Variants in ZNF71 observed in about 807,000 individuals in gnomAD.
ZNF71 encodes zinc finger protein 71.
Under a neutral mutation model 6.7 loss-of-function variants are expected in ZNF71, and 3 were observed. That is an observed-to-expected ratio of 0.45 (90% CI 0.20 to 1.16). The LOEUF (loss-of-function observed/expected upper bound fraction) is 1.16, where lower values mean the gene tolerates loss of function less well. ZNF71 is among the 50% of genes most tolerant of loss of function. The pLI is 0.25. For missense variants in ZNF71, 688 were observed against 728.6 expected, an observed-to-expected ratio of 0.94 and a Z score of 0.64; for synonymous variants, 343 against 311.1, an observed-to-expected ratio of 1.10 and a Z score of -1.08.
rs753917345 is a variant in ZNF71, at chr19:56,621,795, C to A, written c.688C>A (p.Arg230Ser). Residue 230 changes from arginine to serine, a missense_variant, in exon 4 of 4, where the codon CGC becomes AGC. By Grantham distance (110) the Arg-to-Ser change is moderately radical. Coordinates refer to ENST00000599599, the MANE Select transcript of ZNF71 (RefSeq NM_001370215.1). ...CDTCGKHFIERSSLTIHQRVH... is the reference protein window; with the variant it reads ...CDTCGKHFIESSSLTIHQRVH... ...CACCTGTGGGAAGCACTTCATCGAG[C>A]GCTCGTCCCTCACCATCCACCAGCG... is the stretch of plus-strand genomic sequence containing the variant. The A allele has an allele frequency of 6.2e-7, 1 of 1,613,842 alleles. No homozygotes were observed.
At chr19:56,611,378 A>G (rs1231204936) in intron 2 of ZNF71, among the ~76,000 whole-genome samples, 2 of 152,196 alleles carry the variant, frequency 1.3e-5, no homozygotes, top group African/African-American at 2.4e-5. Flanking sequence ...TGAGGTTCAA[A>G]GCCTGGCTGT....
At chr19:56,614,409 T>G (rs2148014923) in intron 3 of ZNF71, among the ~76,000 whole-genome samples, 1 of 152,344 alleles carries the variant, frequency 6.6e-6, no homozygotes, top group Non-Finnish European at 1.5e-5. Context: ...ACAGCTCTTT[T>G]GGAGGATAGC....
In ZNF71 at chr19:56,620,914, A is replaced by G. The variant is rs568264409; in HGVS notation, c.161-354A>G. The stretch of plus-strand genomic sequence containing the variant: ...ATGAAGTGAGGAGGCCCTGCAAGTC[A>G]GTAGCCGGCTGCAGTCATTCCTACT... On this transcript the variant is annotated intron_variant, in intron 3 of 3. Coordinates refer to ENST00000599599, the MANE Select transcript of ZNF71 (RefSeq NM_001370215.1). Among the ~76,000 whole-genome samples, 7 of 152,284 alleles carry G rather than the reference A, an allele frequency of 4.6e-5. No individual in the cohort carries two copies. In the South Asian group the frequency reaches 8.3e-4, roughly 18 times the overall value.
intron 2 of ZNF71, among the ~76,000 whole-genome samples, chr19:56,602,662 C>T (rs144789623): frequency 1.5e-4 from 23 of 152,298 alleles, no homozygotes; most frequent in African/African-American, 5.3e-4. Context: ...TTTCTGTGGG[C>T]AGGGAAATGA....
rs1280440515 is a variant in ZNF71 at position 56,600,387 on chromosome 19, C to T, written c.-52-1120C>T. ...TAATTTTTTGTATTTTTAGTAGAGA[C>T]GGGGTTTCACCTTGTTAGCCAGGAT... On this transcript the variant is annotated intron_variant, in intron 1 of 3. Transcript: ENST00000599599. 7.6e-5 allele frequency among the ~76,000 whole-genome samples: 4 copies of T among 52,954 alleles called. 2 individuals are homozygous for T. The highest frequency in any genetic ancestry group is 1.5e-4 in the Non-Finnish European group (4 of 27,540). 34.7% of individuals were successfully genotyped at this position (52,954 alleles called of 152,430 possible).
chr19:56,621,851 C>T lies in ZNF71; in HGVS notation c.744C>T (p.Cys248=). 1 of 1,612,056 alleles carries T rather than the reference C, an allele frequency of 6.2e-7. No individual in the cohort carries two copies. The highest frequency in any genetic ancestry group is 1.1e-5 in the South Asian group (1 of 91,060). The change falls in exon 4 of 4, where the codon TGC becomes TGT. Residue 248 remains cysteine, a synonymous_variant. Transcript: ENST00000599599. Reference sequence around the variant, plus strand: ...ACACGGGCGAGAAGCCCTATGCCTGCGGGGACTGCGGCAAGGCCTTCAGCC... The same window carrying T: ...ACACGGGCGAGAAGCCCTATGCCTGTGGGGACTGCGGCAAGGCCTTCAGCC... ...RVHTGEKPYA[C]GDCGKAFSQR...
intron 2 of ZNF71, among the ~76,000 whole-genome samples, chr19:56,609,255 C>T (rs56704493): frequency 0.079 from 11,990 of 152,174 alleles, 1,514 homozygotes; most frequent in African/African-American, 0.27. Context: ...CTGCTCTTAC[C>T]AGATTCTATT....
rs1429868688 is a variant in ZNF71 at position 56,623,600 on chromosome 19, T to C, written c.*843T>C. The C allele has an allele frequency of 1.8e-5, 3 of 167,110 alleles. No individual in the cohort carries two copies. The East Asian group carries it at 5.8e-4, about 32-fold the overall frequency. 10.4% of individuals were successfully genotyped at this position (167,110 alleles called of 1,614,324 possible). On this transcript the variant is annotated 3_prime_UTR_variant, in exon 4 of 4. Transcript: ENST00000599599. The stretch of plus-strand genomic sequence containing the variant: ...TACATCTGAGCACAGATTATTTTTA[T>C]AGTGATTTTTGCAGCTAAATGTGAA...
intron 3 of ZNF71, among the ~76,000 whole-genome samples, chr19:56,619,761 G>A (rs2044828408): frequency 6.6e-6 from 1 of 152,186 alleles, no homozygotes; most frequent in Admixed American, 6.5e-5. Flanking sequence ...GGGGACAGCT[G>A]CTGCCCCATG....
At chr19:56,604,826 GTGGTGGGGACACTCAGTATGC>G (rs2044697574) in intron 2 of ZNF71, among the ~76,000 whole-genome samples, 2 of 152,220 alleles carry the variant, frequency 1.3e-5, no homozygotes, top group Admixed American at 6.5e-5. Flanking sequence ...GATTCAGTTG[GTGGTGGGGACACTCAGTATGC>G]TGGAGAGAGC....
intron 3 of ZNF71, among the ~76,000 whole-genome samples, chr19:56,620,703 T>A (rs566828561): frequency 1.7e-3 from 261 of 151,474 alleles, no homozygotes; most frequent in Middle Eastern, 0.01. Flanking sequence ...GGCTAATTTT[T>A]AAAAAAAAAT....
chr19:56,613,966 A>G lies in ZNF71; in HGVS notation c.160+28A>G, dbSNP rs2148014531. 6.6e-6 allele frequency: 7 copies of G among 1,066,940 alleles called. No individual in the cohort carries two copies. The highest frequency in any genetic ancestry group is 8.1e-6 in the Non-Finnish European group (7 of 863,706). The allele number at this position is 1,066,940 out of a possible 1,614,324, so 66.1% of individuals were successfully genotyped here. On this transcript the variant is annotated intron_variant, in intron 3 of 3. Transcript: ENST00000599599. This position sits in a 1 kb window ranked among gnomAD's most constrained non-coding sequence, Gnocchi z 4.6. ...AAGGGGCAGCTTCGTTGAGTTACTC[A>G]TCATTGGCCCATAACTTCAGGACCA...
intron 3 of ZNF71, among the ~76,000 whole-genome samples, chr19:56,619,061 A>G (rs1477349341): frequency 6.6e-6 from 1 of 152,180 alleles, no homozygotes; most frequent in Non-Finnish European, 1.5e-5. Flanking sequence ...AATGCTTGCC[A>G]GCAGTCAGGA....
intron 1 of ZNF71, among the ~76,000 whole-genome samples, chr19:56,601,282 G>A (rs760126358): frequency 9.9e-5 from 15 of 152,108 alleles, no homozygotes; most frequent in Non-Finnish European, 1.9e-4. Context: ...TGGGTAGGTA[G>A]AAGTAGTACC....
chr19:56,609,586 G>A (rs896608047), intron 2 of ZNF71, among the ~76,000 whole-genome samples: 4 of 151,728 alleles, frequency 2.6e-5, no homozygotes, highest in African/African-American at 7.3e-5. Context: ...TGAGGCATAC[G>A]ATACAGATTT....
chr19:56,607,674 A>G (rs998368868), intron 2 of ZNF71, among the ~76,000 whole-genome samples: 3 of 151,176 alleles, frequency 2.0e-5, no homozygotes, highest in Non-Finnish European at 4.4e-5. Flanking sequence ...TGCCCTTAAG[A>G]CACTGCACTG....
rs2044801945 is a variant in ZNF71 at position 56,617,135 on chromosome 19, C to G, written c.160+3197C>G. ...TTGTTTTTTTTTGTTTTTTTTGAGA[C>G]AGTCTTGCTCTGTTGCCCAAGCTGG... is the stretch of plus-strand genomic sequence containing the variant. On this transcript the variant is annotated intron_variant, in intron 3 of 3. Transcript: ENST00000599599. Among the ~76,000 whole-genome samples, 5 of 90,876 alleles carry G rather than the reference C, an allele frequency of 5.5e-5. No homozygotes were observed. In the South Asian group the frequency reaches 2.1e-3, roughly 37 times the overall value. The allele number at this position is 90,876 out of a possible 152,430, so 59.6% of individuals were successfully genotyped here.
intron 2 of ZNF71, among the ~76,000 whole-genome samples, chr19:56,607,623 C>T (rs900103220): frequency 6.6e-6 from 1 of 152,094 alleles, no homozygotes; most frequent in Non-Finnish European, 1.5e-5. Flanking sequence ...AGAAAATGGC[C>T]AAGCCAGGGT....
rs1432534851 is a variant in ZNF71 at position 56,621,818 on chromosome 19, G to T, written c.711G>T (p.Gln237His). 4 of 1,612,192 alleles carry T rather than the reference G, an allele frequency of 2.5e-6. No homozygotes were observed. The Admixed American group carries it at 6.7e-5, about 27-fold the overall frequency. ...FIERSSLTIH[Q>H]RVHTGEKPYA... ...AGCGCTCGTCCCTCACCATCCACCA[G>T]CGGGTGCACACGGGCGAGAAGCCCT... The change falls in exon 4 of 4, where the codon CAG becomes CAT. Residue 237 changes from glutamine to histidine, a missense_variant. By Grantham distance (24) the Gln-to-His change is conservative. Coordinates refer to ENST00000599599, the MANE Select transcript of ZNF71 (RefSeq NM_001370215.1).
Sources: gnomAD v4.1 joint callset for allele counts (sites outside exome capture counted in the v4.1 genomes callset) on GRCh38, gnomAD v4.1.1 for gene constraint, Gnocchi (gnomAD v3.1) non-coding constraint, MANE v1.5 for transcripts, NCBI Gene and HGNC (gene_info 2026-07-23, HGNC 2026-07-21) for gene names.